TRIP11: variants seen among roughly 807,000 people sequenced by gnomAD.
TRIP11 encodes the protein thyroid receptor-interacting protein 11.
In TRIP11, 148 loss-of-function variants were observed where a neutral mutation model predicts 223.1. The observed-to-expected ratio is 0.66, with a 90% CI of 0.58 to 0.76. The LOEUF is 0.76. TRIP11 is among the 30% of genes least tolerant of loss of function. TRIP11 has a pLI of 0.00. For synonymous variants in TRIP11, 762 were observed against 772.6 expected, an observed-to-expected ratio of 0.99 and a Z score of 0.23; for missense variants, 2,043 against 2,222.0, an observed-to-expected ratio of 0.92 and a Z score of 1.62.
intron 2 of TRIP11, 138 bp downstream of exon 2, chr14:92,033,054 C>CA (rs2140148921): frequency 3.0e-6 from 2 of 677,944 alleles, no homozygotes; most frequent in Non-Finnish European, 5.2e-6. Context: ...GATAAAAGCT[C>CA]AAAAAACAAT....
intron 7 of TRIP11, among the ~76,000 whole-genome samples, chr14:92,013,690 T>C (rs74073692): frequency 0.044 from 6,753 of 152,356 alleles, 445 homozygotes; most frequent in African/African-American, 0.14. Context: ...ATTAGTCTTA[T>C]GTAAGTAAAT....
chr14:91,988,513 T>C (rs2140097682), intron 15 of TRIP11, 130 bp from the exon 16 acceptor site: 2 of 733,172 alleles, frequency 2.7e-6, no homozygotes, highest in Non-Finnish European at 4.7e-6. Flanking sequence ...CTTGGGCAAA[T>C]GTATCCAACC....
In TRIP11 at chr14:91,988,279, C is replaced by A; in HGVS notation, c.5260+5G>T. On this transcript the variant is annotated splice_donor_5th_base_variant and intron_variant, in intron 16 of 20. Transcript: ENST00000267622. The stretch of plus-strand genomic sequence containing the variant: ...TGGGGGAAAAATGAAAAGAAAAAAA[C>A]CTACTTTGTCTTTTAAGTTCTTCAA... 1 of 1,604,306 alleles carries A rather than the reference C, an allele frequency of 6.2e-7. No individual in the cohort carries two copies. Among genetic ancestry groups the A allele is most frequent in the South Asian group, 1.1e-5 (1 of 90,538 alleles).
chr14:91,966,409 T>A lies in TRIP11; in HGVS notation c.*3264A>T, dbSNP rs2056342769. 5.3e-6 allele frequency: 1 copy of A among 187,358 alleles called. No homozygotes were observed. Among genetic ancestry groups the A allele is most frequent in the African/African-American group, 2.3e-5 (1 of 42,798 alleles). The allele number at this position is 187,358 out of a possible 1,614,324, so 11.6% of individuals were successfully genotyped here. A position where few individuals can be genotyped will look rare whatever the true frequency, so the allele number is the denominator to read the frequency against. Reference sequence around the variant, plus strand: ...GGAAGATGTCTTGAATACTTCAATATGTGGAAAACTTCATTATCTTTAAAT... The same window carrying A: ...GGAAGATGTCTTGAATACTTCAATAAGTGGAAAACTTCATTATCTTTAAAT... On this transcript the variant is annotated 3_prime_UTR_variant, in exon 21 of 21. Coordinates refer to ENST00000267622, the MANE Select transcript of TRIP11 (RefSeq NM_004239.4).
intron 11 of TRIP11, among the ~76,000 whole-genome samples, chr14:92,003,013 C>CAT (rs1381259355): frequency 6.6e-6 from 1 of 152,180 alleles, no homozygotes; most frequent in Non-Finnish European, 1.5e-5. Context: ...GTATTTCTTA[C>CAT]TGCAGATGGT....
intron 4 of TRIP11, among the ~76,000 whole-genome samples, chr14:92,019,256 T>G (rs928857148): frequency 3.3e-5 from 5 of 152,158 alleles, no homozygotes; most frequent in African/African-American, 1.2e-4. Flanking sequence ...CTATGAAATC[T>G]TACTCTAACA....
intron 7 of TRIP11, 143 bp from the exon 8 acceptor site, chr14:92,011,938 T>C (rs1334127272): frequency 8.5e-6 from 6 of 702,342 alleles, no homozygotes; most frequent in South Asian, 5.0e-5. Context: ...AAACATATAT[T>C]TGTATTCCTG....
rs565750748 is a variant in TRIP11 at position 91,968,612 on chromosome 14, G to A, written c.*1061C>T. ...TTTGTGTAACATTTAGTTTTAAGATGGTATCTTTAAATAGATACCTTAGCT... is the reference window on the plus strand; with the variant it reads ...TTTGTGTAACATTTAGTTTTAAGATAGTATCTTTAAATAGATACCTTAGCT... On this transcript the variant is annotated 3_prime_UTR_variant, in exon 21 of 21. Coordinates refer to ENST00000267622, the MANE Select transcript of TRIP11 (RefSeq NM_004239.4). 1 of 221,908 alleles carries A rather than the reference G, an allele frequency of 4.5e-6. No homozygotes were observed. The highest frequency in any genetic ancestry group is 6.6e-5 in the East Asian group (1 of 15,080). 13.7% of individuals were successfully genotyped at this position (221,908 alleles called of 1,614,324 possible).
intron 4 of TRIP11, among the ~76,000 whole-genome samples, 176 bp downstream of exon 4, chr14:92,021,380 T>G (rs1202501702): frequency 1.5e-5 from 2 of 131,704 alleles, no homozygotes; most frequent in Non-Finnish European, 3.1e-5. Context: ...CAGAGCAAGA[T>G]TCTGTCTCAA....
rs1034288967 is a variant in TRIP11, at chr14:91,966,004, T to A, written c.*3669A>T. On this transcript the variant is annotated 3_prime_UTR_variant, in exon 21 of 21. Transcript: ENST00000267622. The stretch of plus-strand genomic sequence containing the variant: ...AAAGTCAGCAGCTGTTTGCTAAAAA[T>A]TTTTTTTATTGTGACTGAAGACATT... 11 of 165,142 alleles carry A rather than the reference T, an allele frequency of 6.7e-5. No individual in the cohort carries two copies. Among genetic ancestry groups the A allele is most frequent in the East Asian group, 5.0e-4 (4 of 7,950 alleles). The allele number at this position is 165,142 out of a possible 1,614,324, so 10.2% of individuals were successfully genotyped here.
At chr14:91,995,232 T>C (rs2056734620) in intron 14 of TRIP11, 120 bp downstream of exon 14, 1 of 1,189,226 alleles carries the variant, frequency 8.4e-7, no homozygotes, top group Non-Finnish European at 1.2e-6. Context: ...ACCCTTCCCC[T>C]CTACCAGTGG....
chr14:92,002,459 T>C (rs1010009927), intron 11 of TRIP11, among the ~76,000 whole-genome samples: 3 of 152,176 alleles, frequency 2.0e-5, no homozygotes, highest in African/African-American at 7.2e-5. Flanking sequence ...AATTCCAGGT[T>C]GTGACTAATC....
chr14:91,966,083 C>T lies in TRIP11; in HGVS notation c.*3590G>A, dbSNP rs544471295. On this transcript the variant is annotated 3_prime_UTR_variant, in exon 21 of 21. Transcript: ENST00000267622. ...GAGTATTTTTTTGCCTTGCAGTGCT[C>T]CTGAGAAATTCAAAAATGCATTAAC... 3.2e-4 allele frequency: 56 copies of T among 173,014 alleles called. 1 individual carries two copies. The highest frequency in any genetic ancestry group is 2.5e-3 in the Middle Eastern group (1 of 404). 10.7% of individuals were successfully genotyped at this position (173,014 alleles called of 1,614,324 possible).
At position 92,005,750 on chromosome 14, in the gene TRIP11, G is replaced by A. The variant is rs754326584; in HGVS notation, c.2226C>T (p.Thr742=). The change falls in exon 11 of 21, where the codon ACC becomes ACT. Residue 742 remains threonine, a synonymous_variant. Transcript: ENST00000267622. ...LLEEANKYEK[T]IEELSNARNL... ...TACGTGCATTTGACAGTTCTTCAAT[G>A]GTTTTCTCATACTTGTTTGCTTCTT... The A allele has an allele frequency of 7.9e-5, 127 of 1,613,896 alleles. No homozygotes were observed. The highest frequency in any genetic ancestry group is 1.0e-4 in the Non-Finnish European group (122 of 1,180,018).
chr14:92,028,719 A>T (rs2057220774), intron 2 of TRIP11, among the ~76,000 whole-genome samples: 1 of 152,202 alleles, frequency 6.6e-6, no homozygotes, highest in African/African-American at 2.4e-5. Context: ...CATAGAAAGA[A>T]GAAAAGAGAG....
chr14:92,025,351 G>A lies in TRIP11; in HGVS notation c.271C>T (p.Gln91Ter). The A allele has an allele frequency of 6.2e-7, 1 of 1,613,460 alleles. No individual in the cohort carries two copies. The highest frequency in any genetic ancestry group is 8.5e-7 in the Non-Finnish European group (1 of 1,179,916). ...TGATTTCGGTAACTTGTAGATTGCT[G>A]CTTTATTTGAATCTCTGATGCTTCA... ...KHEASEIQIK[Q>*]QSTSYRNQLQ... The change falls in exon 3 of 21, where the codon CAG (glutamine) becomes TAG (stop). Residue 91 changes from glutamine to a stop codon, truncating the protein, a stop_gained. Coordinates refer to ENST00000267622, the MANE Select transcript of TRIP11 (RefSeq NM_004239.4). LOFTEE classifies it high-confidence loss of function.
intron 13 of TRIP11, among the ~76,000 whole-genome samples, chr14:91,998,879 T>C (rs2056784778): frequency 6.6e-6 from 1 of 152,176 alleles, no homozygotes; most frequent in South Asian, 2.1e-4. Flanking sequence ...TTAAGATCAT[T>C]TGATGAAAAA....
intron 1 of TRIP11, among the ~76,000 whole-genome samples, chr14:92,035,426 C>G (rs921597901): frequency 2.0e-5 from 3 of 151,622 alleles, no homozygotes; most frequent in Non-Finnish European, 4.4e-5. Flanking sequence ...AATAACTTAT[C>G]TGGACTACAG....
chr14:91,967,559 T>C lies in TRIP11; in HGVS notation c.*2114A>G, dbSNP rs578154435. The C allele has an allele frequency of 1.0e-4, 21 of 201,408 alleles. No homozygotes were observed. In the East Asian group the frequency reaches 1.3e-3, roughly 12 times the overall value. The allele number at this position is 201,408 out of a possible 1,614,324, so 12.5% of individuals were successfully genotyped here. A position where few individuals can be genotyped will look rare whatever the true frequency, so the allele number is the denominator to read the frequency against. ...CAGCTTTTAAACTTACGTTAAACCA[T>C]GGGATGAGAGGCGGACAAGTTGTTT... is the stretch of plus-strand genomic sequence containing the variant. On this transcript the variant is annotated 3_prime_UTR_variant, in exon 21 of 21. Coordinates refer to ENST00000267622, the MANE Select transcript of TRIP11 (RefSeq NM_004239.4).
Sources: allele counts gnomAD v4.1 joint callset (sites outside exome capture counted in the v4.1 genomes callset), GRCh38; gene constraint gnomAD v4.1.1; transcripts MANE v1.5; gene names NCBI Gene and HGNC (gene_info 2026-07-23, HGNC 2026-07-21).